Variants in SGCZ observed in about 807,000 individuals in gnomAD.
SGCZ encodes zeta-sarcoglycan.
A neutral mutation model predicts 41.3 loss-of-function variants in SGCZ; 40 were observed. The observed-to-expected ratio is 0.97, with a 90% CI of 0.75 to 1.26. The LOEUF (loss-of-function observed/expected upper bound fraction) is 1.26, where lower values mean the gene tolerates loss of function less well. SGCZ is among the 50% of genes most tolerant of loss of function. The pLI, the probability that SGCZ is intolerant of heterozygous loss-of-function variation, is 0.00. For missense variants in SGCZ, 552 were observed against 369.8 expected (o/e 1.49, Z -4.04); for synonymous variants, 206 against 137.5 (o/e 1.50, Z -3.49).
chr8:15,146,516 A>G (rs1019766649), intron 1 of SGCZ, among the ~76,000 whole-genome samples: 5 of 152,230 alleles, frequency 3.3e-5, no homozygotes, highest in Admixed American at 6.5e-5. Context: ...ATGGGACTAC[A>G]AGAATGTACC....
intron 4 of SGCZ, among the ~76,000 whole-genome samples, chr8:14,220,360 T>C (rs1026343422): frequency 6.6e-6 from 1 of 152,074 alleles, no homozygotes; most frequent in East Asian, 1.9e-4. Flanking sequence ...ATGTATCATA[T>C]GTGAATTTAT....
chr8:14,600,102 T>C (rs186808421), intron 1 of SGCZ, among the ~76,000 whole-genome samples: 2 of 152,286 alleles, frequency 1.3e-5, no homozygotes, highest in African/African-American at 4.8e-5. Context: ...CATCTAGTAG[T>C]AGCATTTAAC....
At chr8:14,578,638 ACATT>A (rs1485408646) in intron 1 of SGCZ, among the ~76,000 whole-genome samples, 1 of 152,214 alleles carries the variant, frequency 6.6e-6, no homozygotes, top group Non-Finnish European at 1.5e-5. Context: ...ATTCTAGGGC[ACATT>A]CTGAGGTCAA....
At chr8:14,851,991 T>C (rs953546571) in intron 1 of SGCZ, among the ~76,000 whole-genome samples, 10 of 150,894 alleles carry the variant, frequency 6.6e-5, no homozygotes, top group Non-Finnish European at 1.2e-4. Flanking sequence ...TTGACCTTTG[T>C]TTTTTTCCTT....
chr8:14,704,227 G>C (rs997331629), intron 1 of SGCZ, among the ~76,000 whole-genome samples: 1 of 151,916 alleles, frequency 6.6e-6, no homozygotes, highest in African/African-American at 2.4e-5. Flanking sequence ...AATAATAATA[G>C]CAGTAACTCT....
chr8:14,898,131 T>A (rs900304451), intron 1 of SGCZ, among the ~76,000 whole-genome samples: 1 of 152,072 alleles, frequency 6.6e-6, no homozygotes, highest in African/African-American at 2.4e-5. Flanking sequence ...CAACATTTTT[T>A]GCAGAGACAG....
chr8:14,117,854 G>A (rs1359408535), intron 5 of SGCZ, among the ~76,000 whole-genome samples: 3 of 137,016 alleles, frequency 2.2e-5, no homozygotes, highest in African/African-American at 7.9e-5. Flanking sequence ...CTCTTCTTGT[G>A]TTCGTTTGCT....
rs1809906830 is a variant in SGCZ, at chr8:14,722,140, C to A, written c.40-167214G>T. On this transcript the variant is annotated intron_variant, in intron 1 of 7. Transcript: ENST00000382080. The stretch of plus-strand genomic sequence containing the variant: ...CCTCTTCTACTTTTTCTGCTCAGAA[C>A]TAGTAGTATAAAATGCATTTCATTT... Among the ~76,000 whole-genome samples the A allele has an allele frequency of 2.0e-5, 3 of 152,200 alleles. No homozygotes were observed. In the South Asian group the frequency reaches 6.2e-4, roughly 32 times the overall value.
intron 2 of SGCZ, among the ~76,000 whole-genome samples, chr8:14,515,897 C>T (rs1010935858): frequency 2.0e-5 from 3 of 152,072 alleles, no homozygotes; most frequent in East Asian, 3.9e-4. Flanking sequence ...TATTTCAATA[C>T]GTTGTTATAT....
chr8:15,219,687 CAGA>C (rs1801527368), intron 1 of SGCZ, among the ~76,000 whole-genome samples: 4 of 152,086 alleles, frequency 2.6e-5, no homozygotes, highest in Non-Finnish European at 4.4e-5. Flanking sequence ...TAAGTGAATA[CAGA>C]AGGAAACAGG....
intron 1 of SGCZ, among the ~76,000 whole-genome samples, chr8:14,889,341 T>C (rs113427654): frequency 0.012 from 1,779 of 152,272 alleles, 24 homozygotes; most frequent in African/African-American, 0.04. Flanking sequence ...AGTACTTTAC[T>C]TCAACCTGTA....
rs574934711 is a variant in SGCZ, at chr8:14,723,910, A to G, written c.40-168984T>C. Among the ~76,000 whole-genome samples the G allele has an allele frequency of 3.1e-4, 47 of 152,216 alleles. 1 individual carries two copies. The highest frequency in any genetic ancestry group is 1.1e-3 in the African/African-American group (46 of 41,524). ...GGTTCCTTCCACCTTCATTGCCTTT[A>G]TAGCAACACACAGGTCATTGAAGCA... On this transcript the variant is annotated intron_variant, in intron 1 of 7. Coordinates refer to ENST00000382080, the MANE Select transcript of SGCZ (RefSeq NM_139167.4).
chr8:14,431,063 T>A (rs936652990), intron 2 of SGCZ, among the ~76,000 whole-genome samples: 3 of 152,074 alleles, frequency 2.0e-5, no homozygotes, highest in Admixed American at 6.6e-5. Flanking sequence ...TTGAAACACA[T>A]CCCATGCTCA....
At chr8:14,336,122 T>C (rs560033774) in intron 2 of SGCZ, among the ~76,000 whole-genome samples, 1 of 152,252 alleles carries the variant, frequency 6.6e-6, no homozygotes, top group South Asian at 2.1e-4. Context: ...TGTGTCCATG[T>C]GTTCCCATCA....
intron 1 of SGCZ, among the ~76,000 whole-genome samples, chr8:14,620,394 C>G (rs985734166): frequency 6.6e-6 from 1 of 152,156 alleles, no homozygotes; most frequent in African/African-American, 2.4e-5. Flanking sequence ...GACTTCATGT[C>G]TAAAACACCA....
At chr8:14,585,281 A>G (rs1158264614) in intron 1 of SGCZ, among the ~76,000 whole-genome samples, 3 of 152,116 alleles carry the variant, frequency 2.0e-5, no homozygotes, top group Non-Finnish European at 2.9e-5. Flanking sequence ...TTTGTTTCAT[A>G]TATTTGTACT....
chr8:15,088,311 G>C (rs552278641), intron 1 of SGCZ, among the ~76,000 whole-genome samples: 29 of 152,200 alleles, frequency 1.9e-4, no homozygotes, highest in African/African-American at 6.0e-4. Flanking sequence ...AAAGGAAGTT[G>C]TCTATTAAAT....
chr8:14,178,584 T>G (rs1364977905), intron 4 of SGCZ, among the ~76,000 whole-genome samples: 1 of 152,218 alleles, frequency 6.6e-6, no homozygotes, highest in Non-Finnish European at 1.5e-5. Context: ...AAGACTAATT[T>G]GATACTATTG....
At chr8:14,666,330 T>C (rs1233802049) in intron 1 of SGCZ, among the ~76,000 whole-genome samples, 1 of 152,180 alleles carries the variant, frequency 6.6e-6, no homozygotes, top group Non-Finnish European at 1.5e-5. Flanking sequence ...AATCAGAGAC[T>C]TGCAGGATGG....
Sources: gnomAD v4.1 joint callset for allele counts (sites outside exome capture counted in the v4.1 genomes callset) on GRCh38, gnomAD v4.1.1 for gene constraint, MANE v1.5 for transcripts, NCBI Gene and HGNC (gene_info 2026-07-23, HGNC 2026-07-21) for gene names.